Variants in AGBL4 observed in about 807,000 individuals in gnomAD.
The protein encoded by AGBL4 is AGBL carboxypeptidase 4, also known as cytosolic carboxypeptidase 6.
In AGBL4, 58 loss-of-function variants were observed where a neutral mutation model predicts 66.4. That is an observed-to-expected ratio of 0.87 (90% CI 0.71 to 1.09). The LOEUF (loss-of-function observed/expected upper bound fraction) is 1.09, where lower values mean the gene tolerates loss of function less well. AGBL4 is among the 50% of genes least tolerant of loss of function. The pLI is 0.00. For missense variants in AGBL4, 579 were observed against 631.0 expected (o/e 0.92, Z 0.88); for synonymous variants, 234 against 222.9 (o/e 1.05, Z -0.44).
intron 11 of AGBL4, among the ~76,000 whole-genome samples, chr1:48,564,289 T>C (rs188744716): frequency 6.6e-6 from 1 of 152,240 alleles, no homozygotes; most frequent in East Asian, 1.9e-4. Flanking sequence ...GACTTAAACC[T>C]TTTCAACAGT....
chr1:49,280,857 T>C (rs1011850073), intron 3 of AGBL4, among the ~76,000 whole-genome samples: 1 of 152,108 alleles, frequency 6.6e-6, no homozygotes, highest in African/African-American at 2.4e-5. Context: ...GTGGGGGAGA[T>C]AAATAAAAAA....
intron 6 of AGBL4, among the ~76,000 whole-genome samples, chr1:48,863,143 G>T (rs564393810): frequency 1.3e-5 from 2 of 152,248 alleles, no homozygotes; most frequent in South Asian, 2.1e-4. Flanking sequence ...TTCAATAGGT[G>T]GTTAAAGCAT....
rs113615181 is a variant in AGBL4, at chr1:49,494,296, T to C, written c.282+203017A>G. Among the ~76,000 whole-genome samples the C allele has an allele frequency of 4.3e-3, 660 of 152,068 alleles. 7 individuals carry two copies. Among genetic ancestry groups the C allele is most frequent in the African/African-American group, 0.015 (618 of 41,524 alleles). ...CTTGAGTTTTTTTTTTTATTATACT[T>C]TAAGTTTTAGGGTACATGTGCACAA... On this transcript the variant is annotated intron_variant, in intron 3 of 13. Coordinates refer to ENST00000371839, the MANE Select transcript of AGBL4 (RefSeq NM_032785.4).
At chr1:49,631,939 T>A (rs1362054103) in intron 3 of AGBL4, among the ~76,000 whole-genome samples, 1 of 152,198 alleles carries the variant, frequency 6.6e-6, no homozygotes, top group Non-Finnish European at 1.5e-5. Context: ...ATGTATGGCC[T>A]CAGGACGAAT....
chr1:49,293,995 TG>T (rs1266959422), intron 3 of AGBL4, among the ~76,000 whole-genome samples: 2 of 152,240 alleles, frequency 1.3e-5, no homozygotes, highest in Non-Finnish European at 2.9e-5. Context: ...GTCAACTGAA[TG>T]TTTTACCCTC....
intron 4 of AGBL4, among the ~76,000 whole-genome samples, chr1:49,208,340 C>A (rs1230161697): frequency 6.6e-6 from 1 of 151,976 alleles, no homozygotes; most frequent in Non-Finnish European, 1.5e-5. Flanking sequence ...TTTTTATTCT[C>A]CTTGTAGGTG....
intron 3 of AGBL4, among the ~76,000 whole-genome samples, chr1:49,621,528 T>G (rs565546439): frequency 2.0e-5 from 3 of 152,350 alleles, no homozygotes; most frequent in African/African-American, 7.2e-5. Flanking sequence ...AGGCCAAATA[T>G]TTAGGCTAAA....
intron 1 of AGBL4, among the ~76,000 whole-genome samples, chr1:49,931,708 T>C (rs973496408): frequency 2.0e-5 from 3 of 152,126 alleles, no homozygotes; most frequent in Non-Finnish European, 2.9e-5. Flanking sequence ...ATCTAAAGAT[T>C]TAATAAAATT....
intron 2 of AGBL4, among the ~76,000 whole-genome samples, chr1:49,712,564 T>A (rs1314088674): frequency 6.6e-6 from 1 of 151,852 alleles, no homozygotes; most frequent in African/African-American, 2.4e-5. Flanking sequence ...TTAATAATAT[T>A]GCATATTGAA....
intron 3 of AGBL4, among the ~76,000 whole-genome samples, chr1:49,277,028 A>G (rs546249864): frequency 1.1e-4 from 17 of 151,992 alleles, no homozygotes; most frequent in East Asian, 7.7e-4. Flanking sequence ...AACCATGCAG[A>G]AAAAAAAGAC....
At chr1:49,308,406 G>C (rs187465155) in intron 3 of AGBL4, among the ~76,000 whole-genome samples, 27 of 152,136 alleles carry the variant, frequency 1.8e-4, no homozygotes, top group Middle Eastern at 3.4e-3. Flanking sequence ...ACATTTCACT[G>C]TAAGTCACCA....
chr1:49,749,340 C>T (rs534606680), intron 2 of AGBL4, among the ~76,000 whole-genome samples: 3 of 151,852 alleles, frequency 2.0e-5, no homozygotes, highest in Non-Finnish European at 4.4e-5. Flanking sequence ...ATTTCTGAGG[C>T]CTCTGTTCTG....
intron 2 of AGBL4, among the ~76,000 whole-genome samples, chr1:49,711,793 C>A (rs907453358): frequency 1.3e-5 from 2 of 151,978 alleles, no homozygotes; most frequent in African/African-American, 4.8e-5. Context: ...TTGGAATGTC[C>A]CAGAAATAAC....
chr1:49,732,284 A>G (rs1172264565), intron 2 of AGBL4, among the ~76,000 whole-genome samples: 1 of 152,208 alleles, frequency 6.6e-6, no homozygotes, highest in Non-Finnish European at 1.5e-5. Context: ...GGCTGCCCAC[A>G]TGAACATAGG....
At chr1:48,946,955 A>G (rs1557489642) in intron 5 of AGBL4, among the ~76,000 whole-genome samples, 1 of 152,200 alleles carries the variant, frequency 6.6e-6, no homozygotes, top group Non-Finnish European at 1.5e-5. Flanking sequence ...GTACCTGGAA[A>G]GGCTCTGCAT....
In AGBL4 at chr1:49,483,362, T is replaced by C. The variant is rs112150656; in HGVS notation, c.282+213951A>G. On this transcript the variant is annotated intron_variant, in intron 3 of 13. Coordinates refer to ENST00000371839, the MANE Select transcript of AGBL4 (RefSeq NM_032785.4). ...AAAATAGAAAATTATTCCCTGTTCA[T>C]GGATTGGAAGAATTAATATAGCTAA... Among the ~76,000 whole-genome samples the C allele has an allele frequency of 4.3e-3, 658 of 152,190 alleles. 7 individuals carry two copies. The highest frequency in any genetic ancestry group is 0.015 in the African/African-American group (616 of 41,548).
At chr1:49,389,812 G>T (rs1644810238) in intron 3 of AGBL4, among the ~76,000 whole-genome samples, 1 of 152,118 alleles carries the variant, frequency 6.6e-6, no homozygotes, top group South Asian at 2.1e-4. Context: ...TACTAAAATA[G>T]AAGCCATGGC....
intron 11 of AGBL4, among the ~76,000 whole-genome samples, chr1:48,557,190 C>CATCAGG (rs769834443): frequency 2.6e-5 from 4 of 152,140 alleles, no homozygotes; most frequent in Non-Finnish European, 5.9e-5. Context: ...GTGTCTGGCA[C>CATCAGG]ATCAGGTGTT....
At chr1:48,880,709 G>T (rs1014468688) in intron 5 of AGBL4, among the ~76,000 whole-genome samples, 23 of 152,210 alleles carry the variant, frequency 1.5e-4, no homozygotes, top group Admixed American at 7.2e-4. Flanking sequence ...GCATTTCCAT[G>T]ATCATTAGTG....
Sources: gnomAD v4.1 joint callset for allele counts (sites outside exome capture counted in the v4.1 genomes callset) on GRCh38, gnomAD v4.1.1 for gene constraint, MANE v1.5 for transcripts, NCBI Gene and HGNC (gene_info 2026-07-23, HGNC 2026-07-21) for gene names.